POLR1C: variants seen among roughly 807,000 people sequenced by gnomAD.
POLR1C encodes the protein RNA polymerase I and III subunit C, also known as DNA-directed RNA polymerases I and III subunit RPAC1.
In POLR1C, 42 loss-of-function variants were observed where a neutral mutation model predicts 38.3. That is an observed-to-expected ratio of 1.10 (90% CI 0.86 to 1.42). POLR1C has a LOEUF of 1.42. POLR1C is among the 40% of genes most tolerant of loss of function. The probability of loss-of-function intolerance (pLI) is 0.00; values close to 1 mark genes in which losing one functional copy is unlikely to be tolerated. For synonymous variants in POLR1C, 163 were observed against 163.9 expected (o/e 0.99, Z 0.04); for missense variants, 507 against 450.5 (o/e 1.13, Z -1.14).
chr6:43,546,116 T>G (rs1794953054), intron 9 of POLR1C, among the ~76,000 whole-genome samples: 1 of 152,176 alleles, frequency 6.6e-6, no homozygotes, highest in African/African-American at 2.4e-5. Context: ...GTTTAGCATG[T>G]TCAGCCAGCG....
chr6:43,521,351 C>G lies in POLR1C; in HGVS notation c.*51C>G. The G allele has an allele frequency of 1.2e-6, 2 of 1,611,004 alleles. No homozygotes were observed. Among genetic ancestry groups the G allele is most frequent in the Non-Finnish European group, 1.7e-6 (2 of 1,179,690 alleles). On this transcript the variant is annotated 3_prime_UTR_variant, in exon 9 of 9. Transcript: ENST00000642195. The stretch of plus-strand genomic sequence containing the variant: ...AAGCTTTGGGTTCTGACTGACCCAC[C>G]CTACAGGACTGCTGAACAGAGAGCC...
At chr6:43,558,525 C>G in intron 10 of POLR1C, 2 of 1,604,006 alleles carry the variant, frequency 1.2e-6, no homozygotes, top group Non-Finnish European at 1.7e-6. Flanking sequence ...TTGAAGTCCT[C>G]ATCGCTATCA....
intron 8 of POLR1C, chr6:43,527,608 A>G: frequency 2.5e-6 from 4 of 1,611,992 alleles, no homozygotes; most frequent in Non-Finnish European, 3.4e-6. Context: ...AATCCTCTAT[A>G]GCCCCAGTTT....
chr6:43,527,017 T>G, intron 8 of POLR1C: 2 of 404,536 alleles, frequency 4.9e-6, no homozygotes, highest in East Asian at 7.9e-5. Flanking sequence ...GATACATCCC[T>G]GGTCTACTTT....
downstream of POLR1C, chr6:43,524,695 T>A (rs994025160): frequency 1.3e-6 from 2 of 1,593,472 alleles, no homozygotes; most frequent in African/African-American, 2.7e-5. Context: ...CCCTCCCCAT[T>A]TCCTGCCACA....
rs765455963 is a variant in POLR1C, at chr6:43,549,844, C to T, written c.*5-1124C>T. 18 of 1,541,264 alleles carry T rather than the reference C, an allele frequency of 1.2e-5. No individual in the cohort carries two copies. The South Asian group carries it at 2.1e-4, about 18-fold the overall frequency. On this transcript the variant is annotated intron_variant, in intron 9 of 10. Coordinates refer to the POLR1C transcript ENST00000607635. ...ATAAACTGAGTATCAGGTATTCATA[C>T]ATTTGTACTCAAGAAGTTAGAATCT...
In POLR1C at chr6:43,521,252, G is replaced by C. The variant is rs753847505; in HGVS notation, c.993G>C (p.Gly331=). Residue 331 remains glycine, a synonymous_variant, in exon 9 of 9, where the codon GGG becomes GGC. Transcript: ENST00000642195. ...LVSEAIKVLM[G]KCRRFLDELD... is the part of the protein sequence containing the mutation. ...GTGAAGCCATCAAAGTACTGATGGG[G>C]AAGTGCCGGCGCTTCTTGGATGAAC... 2 of 1,613,338 alleles carry C rather than the reference G, an allele frequency of 1.2e-6. No homozygotes were observed.
chr6:43,537,584 G>A (rs1794416735), intron 9 of POLR1C, among the ~76,000 whole-genome samples: 1 of 152,174 alleles, frequency 6.6e-6, no homozygotes, highest in Non-Finnish European at 1.5e-5. Context: ...TTACAAACAT[G>A]TGGAGACTTA....
intron 9 of POLR1C, among the ~76,000 whole-genome samples, chr6:43,535,469 C>T (rs1473875668): frequency 1.3e-5 from 2 of 151,942 alleles, no homozygotes; most frequent in Non-Finnish European, 2.9e-5. Flanking sequence ...GGGTGCCGGG[C>T]ATGGTAGCTA....
intron 8 of POLR1C, chr6:43,526,773 G>A: frequency 1.2e-6 from 2 of 1,610,086 alleles, no homozygotes; most frequent in Non-Finnish European, 1.7e-6. Context: ...AGGGTTACTA[G>A]GTGAAGGGTG....
Position 43,521,249 on chromosome 6 carries a change from G to A in POLR1C, c.990G>A (p.Met330Ile). Residue 330 changes from methionine (M) to isoleucine (I), a missense_variant, in exon 9 of 9, where the codon ATG (methionine) becomes ATA (isoleucine). Coordinates refer to ENST00000642195, the MANE Select transcript of POLR1C (RefSeq NM_203290.4). ...TGAGTGAAGCCATCAAAGTACTGAT[G>A]GGGAAGTGCCGGCGCTTCTTGGATG... Reference protein sequence around the residue: ...VLVSEAIKVLMGKCRRFLDEL... With the variant: ...VLVSEAIKVLIGKCRRFLDEL... 2.5e-6 allele frequency: 4 copies of A among 1,613,448 alleles called. No homozygotes were observed. In the South Asian group the frequency reaches 4.4e-5, roughly 18 times the overall value.
chr6:43,528,688 C>T, intron 8 of POLR1C: 1 of 765,574 alleles, frequency 1.3e-6, no homozygotes, highest in Non-Finnish European at 2.2e-6. Flanking sequence ...CAAGGATAGT[C>T]AGCTGGGGTA....
intron 6 of POLR1C, 83 bp downstream of exon 6, chr6:43,520,510 T>C: frequency 1.9e-6 from 3 of 1,599,760 alleles, no homozygotes; most frequent in Non-Finnish European, 2.6e-6. Flanking sequence ...AGCTGAGACA[T>C]TCCCGGCAGG....
At position 43,520,079 on chromosome 6, in the gene POLR1C, C is replaced by T. The variant is rs1355193275; in HGVS notation, c.396C>T (p.Gly132=). The change falls in exon 5 of 9, where the codon GGC becomes GGT. Residue 132 remains glycine (G), a synonymous_variant. Coordinates refer to ENST00000642195, the MANE Select transcript of POLR1C (RefSeq NM_203290.4). The part of the protein sequence containing the change: ...FEYRNQGDEE[G]TEIDTLQFRL... ...CCATTTGTGCAGGAGATGAAGAAGGCACAGAGATAGATACTCTACAGTTTC... is the reference window on the plus strand; with the variant it reads ...CCATTTGTGCAGGAGATGAAGAAGGTACAGAGATAGATACTCTACAGTTTC... 6.2e-7 allele frequency: 1 copy of T among 1,614,180 alleles called. No individual in the cohort carries two copies. Among genetic ancestry groups the T allele is most frequent in the Non-Finnish European group, 8.5e-7 (1 of 1,180,022 alleles).
intron 9 of POLR1C, among the ~76,000 whole-genome samples, chr6:43,535,553 G>C (rs1449030663): frequency 6.6e-6 from 1 of 151,408 alleles, no homozygotes; most frequent in East Asian, 1.9e-4. Flanking sequence ...GTTTGTTCTT[G>C]CTTAAGAAGT....
intron 9 of POLR1C, among the ~76,000 whole-genome samples, chr6:43,540,395 C>T (rs577177536): frequency 1.3e-5 from 2 of 152,184 alleles, no homozygotes; most frequent in Admixed American, 6.5e-5. Flanking sequence ...AGGAGAATGC[C>T]GTGAACCTGG....
At chr6:43,528,692 T>G (rs1582196960) in intron 8 of POLR1C, 1 of 782,946 alleles carries the variant, frequency 1.3e-6, no homozygotes, top group South Asian at 1.6e-5. Context: ...GATAGTCAGC[T>G]GGGGTAGAAG....
chr6:43,554,920 C>T (rs745674463), intron 10 of POLR1C: 10 of 149,712 alleles, frequency 6.7e-5, no homozygotes, highest in South Asian at 2.1e-4. Flanking sequence ...AAAGCAGTGA[C>T]GTGCACTAGT....
At chr6:43,533,746 G>T, downstream of POLR1C, 2 of 410,052 alleles carry the variant, frequency 4.9e-6, no homozygotes, top group South Asian at 2.5e-5. Flanking sequence ...GAGGCAGGAA[G>T]ACTGCTTGAG....
Sources: allele counts gnomAD v4.1 joint callset (sites outside exome capture counted in the v4.1 genomes callset), GRCh38; gene constraint gnomAD v4.1.1; transcripts MANE v1.5; gene names NCBI Gene and HGNC (gene_info 2026-07-23, HGNC 2026-07-21).